The following RPL28 variants were observed in gnomAD, a reference collection of about 807,000 sequenced individuals.
The protein encoded by RPL28 is ribosomal protein L28, also known as large ribosomal subunit protein eL28.
A neutral mutation model predicts 12.5 loss-of-function variants in RPL28; 4 were observed. The ratio of observed to expected loss-of-function variants is 0.32; its 90% confidence interval spans 0.16 to 0.73. RPL28 has a LOEUF of 0.73. RPL28 is among the 30% of genes least tolerant of loss of function. RPL28 has a pLI of 0.66. For missense variants in RPL28, 214 were observed against 197.7 expected (o/e 1.08, Z -0.49); for synonymous variants, 91 against 72.5 (o/e 1.26, Z -1.30).
chr19:55,395,044 G>A (rs2090012796), downstream of RPL28, among the ~76,000 whole-genome samples: 1 of 152,176 alleles, frequency 6.6e-6, no homozygotes, highest in Non-Finnish European at 1.5e-5. Context: ...CCTCTGGATA[G>A]TCACAATATG....
chr19:55,397,372 G>A (rs1467894314), intron 4 of RPL28, among the ~76,000 whole-genome samples: 1 of 152,020 alleles, frequency 6.6e-6, no homozygotes, highest in East Asian at 1.9e-4. Context: ...GTTTGTAATC[G>A]GGACAAATGT....
chr19:55,386,405 C>A lies in RPL28; in HGVS notation c.48C>A (p.Phe16Leu). ...QWMVVRNCSS[F>L]LIKRNKQTYS... ...TGGTCGTGCGGAACTGCTCCAGTTT[C>A]CTGATCAAGAGGAATAAGCAGACCT... Residue 16 changes from phenylalanine to leucine, a missense_variant, in exon 2 of 5, where the codon TTC (phenylalanine) becomes TTA (leucine). Phe to Leu is a conservative substitution (Grantham distance 22). Coordinates refer to ENST00000344063, the MANE Select transcript of RPL28 (RefSeq NM_000991.5). The A allele has an allele frequency of 1.2e-6, 2 of 1,614,140 alleles. No individual in the cohort carries two copies. Among genetic ancestry groups the A allele is most frequent in the African/African-American group, 1.3e-5 (1 of 75,062 alleles).
At position 55,386,506 on chromosome 19, in the gene RPL28, G is replaced by A. The variant is rs562152663; in HGVS notation, c.82-64G>A. 29 of 1,601,608 alleles carry A rather than the reference G, an allele frequency of 1.8e-5. No homozygotes were observed. The African/African-American group carries it at 2.7e-4, about 15-fold the overall frequency. ...CTGAGTCTCTTGACTCTGGGTCAGA[G>A]GGCGGGACCTTCGCATGTCTCCGGG... is the stretch of plus-strand genomic sequence containing the variant. On this transcript the variant is annotated intron_variant, in intron 2 of 4. Coordinates refer to ENST00000344063, the MANE Select transcript of RPL28 (RefSeq NM_000991.5).
chr19:55,390,936 A>G lies in RPL28; in HGVS notation c.*2604A>G. The stretch of plus-strand genomic sequence containing the variant: ...TATTCCAGCTTTATTCACACAAATC[A>G]TGTCTGTTGGCCTGGAAATTGGAAA... On this transcript the variant is annotated 3_prime_UTR_variant, in exon 5 of 5. Coordinates refer to ENST00000344063, the MANE Select transcript of RPL28 (RefSeq NM_000991.5). The G allele has an allele frequency of 2.0e-6, 2 of 985,468 alleles. No individual in the cohort carries two copies. Among genetic ancestry groups the G allele is most frequent in the Non-Finnish European group, 2.4e-6 (2 of 829,948 alleles). 61.0% of individuals were successfully genotyped at this position (985,468 alleles called of 1,614,324 possible).
At chr19:55,392,953 G>A (rs934011611), downstream of RPL28, among the ~76,000 whole-genome samples, 2 of 151,988 alleles carry the variant, frequency 1.3e-5, no homozygotes. Flanking sequence ...GGCCCCTTTC[G>A]ATGGCCATCA....
downstream of RPL28, among the ~76,000 whole-genome samples, chr19:55,396,350 A>G (rs928685956): frequency 6.6e-6 from 1 of 151,784 alleles, no homozygotes; most frequent in African/African-American, 2.4e-5. Flanking sequence ...TTATACACTT[A>G]AAAAATCATA....
intron 3 of RPL28, chr19:55,386,959 G>C: frequency 6.9e-7 from 1 of 1,453,014 alleles, no homozygotes; most frequent in East Asian, 2.5e-5. Flanking sequence ...TTAAGGCACG[G>C]GGTTGATGTT....
intron 4 of RPL28, among the ~76,000 whole-genome samples, chr19:55,399,498 A>G (rs2090042470): frequency 6.6e-6 from 1 of 152,170 alleles, no homozygotes; most frequent in African/African-American, 2.4e-5. Flanking sequence ...GTTTCATTAC[A>G]TGGGCATATT....
At chr19:55,393,370 C>T (rs1188672362), downstream of RPL28, among the ~76,000 whole-genome samples, 1 of 151,448 alleles carries the variant, frequency 6.6e-6, no homozygotes, top group Non-Finnish European at 1.5e-5. Context: ...TGAGGCCTCT[C>T]TCCTCCCTGA....
chr19:55,403,051 G>A (rs1199476716), exon 5 of RPL28: 1 of 1,419,408 alleles, frequency 7.0e-7, no homozygotes, highest in African/African-American at 1.4e-5. Context: ...CTGTGTCATG[G>A]AGCCATCTCG....
At chr19:55,397,362 G>C (rs367694111) in intron 4 of RPL28, among the ~76,000 whole-genome samples, 1 of 152,172 alleles carries the variant, frequency 6.6e-6, no homozygotes, top group East Asian at 1.9e-4. Context: ...TGTTTCTGCT[G>C]TTTGTAATCG....
At chr19:55,396,795 T>C (rs2090027419), downstream of RPL28, among the ~76,000 whole-genome samples, 1 of 150,342 alleles carries the variant, frequency 6.7e-6, no homozygotes, top group African/African-American at 2.5e-5. Flanking sequence ...TTAGCCAGGA[T>C]GTTCTCGATC....
chr19:55,390,825 GTCC>G lies in RPL28; in HGVS notation c.*2496_*2498del, dbSNP rs2089983471. The G allele has an allele frequency of 7.1e-6, 7 of 985,434 alleles. No individual in the cohort carries two copies. Among genetic ancestry groups the G allele is most frequent in the Non-Finnish European group, 7.2e-6 (6 of 829,934 alleles). 61.0% of individuals were successfully genotyped at this position (985,434 alleles called of 1,614,324 possible). On this transcript the variant is annotated 3_prime_UTR_variant, in exon 5 of 5. Coordinates refer to ENST00000344063, the MANE Select transcript of RPL28 (RefSeq NM_000991.5). ...TGGTCTCAGCCCCACAGAGTTTGGA[GTCC>G]TCAGTGTGCTGAGCAAACGTGGAGA...
intron 1 of RPL28, 56 bp from the exon 2 acceptor site, chr19:55,386,293 CT>C (rs2089923723): frequency 5.2e-6 from 8 of 1,544,032 alleles, no homozygotes; most frequent in Non-Finnish European, 7.1e-6. Context: ...GGCCCGTGGC[CT>C]AACGCTGCTT....
chr19:55,396,877 G>A (rs2090028416), downstream of RPL28, among the ~76,000 whole-genome samples: 1 of 151,640 alleles, frequency 6.6e-6, no homozygotes, highest in South Asian at 2.1e-4. Context: ...ACGGTGCCTG[G>A]CCTCCCTTCC....
At chr19:55,386,225 CAG>C (rs2089922713) in intron 1 of RPL28, 123 bp from the exon 2 acceptor site, 1 of 849,424 alleles carries the variant, frequency 1.2e-6, no homozygotes, top group African/African-American at 1.7e-5. Flanking sequence ...TGTCTGCCCT[CAG>C]GGGTCTCCCA....
chr19:55,395,533 TC>T (rs1346983896), downstream of RPL28, among the ~76,000 whole-genome samples: 1 of 149,594 alleles, frequency 6.7e-6, no homozygotes, highest in Non-Finnish European at 1.5e-5. Context: ...AAGCTCCGCC[TC>T]CCGGGTTCAC....
Position 55,390,392 on chromosome 19 carries a change from A to G in RPL28, c.*2060A>G. The G allele has an allele frequency of 2.3e-6, 2 of 856,560 alleles. No individual in the cohort carries two copies. Among genetic ancestry groups the G allele is most frequent in the Non-Finnish European group, 2.8e-6 (2 of 712,698 alleles). 53.1% of individuals were successfully genotyped at this position (856,560 alleles called of 1,614,324 possible). A position where few individuals can be genotyped will look rare whatever the true frequency, so the allele number is the denominator to read the frequency against. ...GCTCAGTATTGTATTTTTAGCAGAG[A>G]TGGGGTTTCACCATTTTGCCCAGGC... is the stretch of plus-strand genomic sequence containing the variant. On this transcript the variant is annotated 3_prime_UTR_variant, in exon 5 of 5. Transcript: ENST00000344063.
Position 55,391,550 on chromosome 19 carries a change from A to C in RPL28, c.*3218A>C. On this transcript the variant is annotated 3_prime_UTR_variant, in exon 5 of 5. Transcript: ENST00000344063. ...CTCGGGACTGAGGCATCCTCTGTTC[A>C]CAGGACATGCTGGCATCTACTGGGT... is the stretch of plus-strand genomic sequence containing the variant. The C allele has an allele frequency of 1.3e-6, 2 of 1,527,734 alleles. No individual in the cohort carries two copies. Among genetic ancestry groups the C allele is most frequent in the Non-Finnish European group, 1.8e-6 (2 of 1,128,508 alleles). The allele number at this position is 1,527,734 out of a possible 1,614,324, so 94.6% of individuals were successfully genotyped here.
Sources: allele counts gnomAD v4.1 joint callset (sites outside exome capture counted in the v4.1 genomes callset), GRCh38; gene constraint gnomAD v4.1.1; transcripts MANE v1.5; gene names NCBI Gene and HGNC (gene_info 2026-07-23, HGNC 2026-07-21).